NAALADL2: variants seen among roughly 807,000 people sequenced by gnomAD.
The protein encoded by NAALADL2 is inactive N-acetylated-alpha-linked acidic dipeptidase-like protein 2.
Under a neutral mutation model 87.2 loss-of-function variants are expected in NAALADL2, and 76 were observed. The ratio of observed to expected loss-of-function variants is 0.87; its 90% confidence interval spans 0.72 to 1.05. The LOEUF (loss-of-function observed/expected upper bound fraction) is 1.05. Ranked by LOEUF, NAALADL2 falls within the 50% of genes least tolerant of loss-of-function variation. The pLI is 0.00. For missense variants in NAALADL2, 1,089 were observed against 945.8 expected (o/e 1.15, Z -1.99); for synonymous variants, 354 against 331.0 (o/e 1.07, Z -0.75).
chr3:175,447,403 T>A (rs1720878456), intron 6 of NAALADL2, 31 bp downstream of exon 6: 13 of 1,474,816 alleles, frequency 8.8e-6, no homozygotes, highest in Non-Finnish European at 1.0e-5. Flanking sequence ...CTCTGTATTT[T>A]ACAGTTTTTT....
chr3:175,029,458 C>CTG (rs921350207), intron 1 of NAALADL2, among the ~76,000 whole-genome samples: 1 of 151,818 alleles, frequency 6.6e-6, no homozygotes. Context: ...ATAACTCTCT[C>CTG]TGATCCATCA....
At chr3:175,133,250 G>A (rs1207013675) in intron 2 of NAALADL2, among the ~76,000 whole-genome samples, 1 of 151,754 alleles carries the variant, frequency 6.6e-6, no homozygotes, top group African/African-American at 2.4e-5. Flanking sequence ...GGGCAGCCAG[G>A]CAGAGGGGCT....
intron 2 of NAALADL2, among the ~76,000 whole-genome samples, chr3:174,656,814 T>A (rs1238476241): frequency 2.6e-5 from 4 of 152,124 alleles, no homozygotes; most frequent in Non-Finnish European, 1.5e-5. Flanking sequence ...AACTACCATG[T>A]ACACATCACC....
rs146791767 is a variant in NAALADL2, at chr3:175,739,264, A to G, written c.1990+1865A>G. 1.8e-3 allele frequency among the ~76,000 whole-genome samples: 274 copies of G among 152,330 alleles called. 2 individuals carry two copies. The highest frequency in any genetic ancestry group is 6.4e-3 in the African/African-American group (267 of 41,570). ...ATGGGGTTTATTCTTCAAAATTCAT[A>G]TATATGATCCTTTTGTGGTTCATAT... On this transcript the variant is annotated intron_variant, in intron 12 of 13. Transcript: ENST00000454872.
chr3:174,752,827 A>C (rs73174725), intron 3 of NAALADL2, among the ~76,000 whole-genome samples: 1 of 152,314 alleles, frequency 6.6e-6, no homozygotes, highest in Non-Finnish European at 1.5e-5. Flanking sequence ...ATTTCATACA[A>C]AAAATTTAGT....
chr3:175,317,627 A>G (rs1759325716), intron 4 of NAALADL2, among the ~76,000 whole-genome samples: 1 of 152,238 alleles, frequency 6.6e-6, no homozygotes, highest in South Asian at 2.1e-4. Context: ...ATATGTGGTT[A>G]TAGATGGATA....
At chr3:174,709,555 C>T (rs901135750) in intron 2 of NAALADL2, among the ~76,000 whole-genome samples, 1 of 152,058 alleles carries the variant, frequency 6.6e-6, no homozygotes, top group Non-Finnish European at 1.5e-5. Context: ...ATGGCTTGAT[C>T]TATGGAAATA....
intron 11 of NAALADL2, among the ~76,000 whole-genome samples, chr3:175,698,702 TAC>T (rs1217158607): frequency 6.6e-6 from 1 of 151,582 alleles, no homozygotes; most frequent in African/African-American, 2.4e-5. Flanking sequence ...TGCCACAAGT[TAC>T]AGTTATTTAA....
At chr3:174,647,163 A>G (rs1167829705) in intron 2 of NAALADL2, among the ~76,000 whole-genome samples, 1 of 152,210 alleles carries the variant, frequency 6.6e-6, no homozygotes, top group Non-Finnish European at 1.5e-5. Flanking sequence ...TTGACTTCTC[A>G]CAGCAACACT....
intron 3 of NAALADL2, among the ~76,000 whole-genome samples, chr3:174,816,429 T>A (rs1473108756): frequency 6.6e-6 from 1 of 150,674 alleles, no homozygotes; most frequent in African/African-American, 2.4e-5. Context: ...TGTGTGTGTG[T>A]GTATCTCAGT....
intron 3 of NAALADL2, among the ~76,000 whole-genome samples, chr3:174,763,952 T>A (rs1381846661): frequency 6.6e-6 from 1 of 152,182 alleles, no homozygotes; most frequent in Admixed American, 6.5e-5. Context: ...CTTCCTATTT[T>A]AAATGAGGAA....
intron 10 of NAALADL2, among the ~76,000 whole-genome samples, chr3:175,608,795 G>T (rs1724150988): frequency 6.6e-6 from 1 of 152,082 alleles, no homozygotes; most frequent in South Asian, 2.1e-4. Flanking sequence ...AGCATAAATT[G>T]CTTCCGAGTG....
chr3:174,960,251 A>T (rs772286761), intron 1 of NAALADL2, among the ~76,000 whole-genome samples: 4 of 152,074 alleles, frequency 2.6e-5, no homozygotes, highest in Non-Finnish European at 4.4e-5. Context: ...TGCTTAGAAG[A>T]TTGTTGAAGT....
chr3:175,357,720 T>G (rs1764551388), intron 5 of NAALADL2, among the ~76,000 whole-genome samples: 1 of 152,226 alleles, frequency 6.6e-6, no homozygotes, highest in South Asian at 2.1e-4. Flanking sequence ...ATGCATTTTC[T>G]GTCTTCTTTG....
At chr3:175,486,614 A>C (rs960631397) in intron 9 of NAALADL2, among the ~76,000 whole-genome samples, 1 of 152,136 alleles carries the variant, frequency 6.6e-6, no homozygotes, top group African/African-American at 2.4e-5. Context: ...TAGCTTCACA[A>C]AGAGAGAGGC....
rs1021696946 is a variant in NAALADL2 at position 175,463,348 on chromosome 3, A to G, written c.1235-53A>G. On this transcript the variant is annotated intron_variant, in intron 6 of 13. Coordinates refer to ENST00000454872, the MANE Select transcript of NAALADL2 (RefSeq NM_207015.3). ...GGATAAAATAAATTTTAAGGTTTAA[A>G]AAATACAATAAAATATAAAGAAGCA... is the stretch of plus-strand genomic sequence containing the variant. 5 of 1,165,420 alleles carry G rather than the reference A, an allele frequency of 4.3e-6. No individual in the cohort carries two copies. The African/African-American group carries it at 7.8e-5, about 18-fold the overall frequency. 72.2% of individuals were successfully genotyped at this position (1,165,420 alleles called of 1,614,324 possible).
At chr3:175,695,511 T>C (rs1216096762) in intron 11 of NAALADL2, among the ~76,000 whole-genome samples, 1 of 152,132 alleles carries the variant, frequency 6.6e-6, no homozygotes, top group Non-Finnish European at 1.5e-5. Flanking sequence ...GCTGGAAAAA[T>C]GTACTGCATT....
intron 4 of NAALADL2, among the ~76,000 whole-genome samples, chr3:175,319,381 A>C (rs1392739053): frequency 6.6e-6 from 1 of 152,256 alleles, no homozygotes; most frequent in African/African-American, 2.4e-5. Context: ...GGACTAGAAA[A>C]AATGCCATTA....
intron 3 of NAALADL2, among the ~76,000 whole-genome samples, chr3:174,810,243 T>G (rs1250504143): frequency 6.6e-6 from 1 of 152,080 alleles, no homozygotes; most frequent in African/African-American, 2.4e-5. Flanking sequence ...AGCTGGGTAA[T>G]GGACAGAGGG....
Sources: gnomAD v4.1 joint callset for allele counts (sites outside exome capture counted in the v4.1 genomes callset) on GRCh38, gnomAD v4.1.1 for gene constraint, MANE v1.5 for transcripts, NCBI Gene and HGNC (gene_info 2026-07-23, HGNC 2026-07-21) for gene names.